Variants in CLSTN2 observed in about 807,000 individuals in gnomAD.
CLSTN2 encodes calsyntenin 2, also known as calsyntenin-2.
Under a neutral mutation model 101.2 loss-of-function variants are expected in CLSTN2, and 48 were observed. The observed-to-expected ratio is 0.47, with a 90% CI of 0.38 to 0.60. The LOEUF (loss-of-function observed/expected upper bound fraction) is 0.60, where lower values mean the gene tolerates loss of function less well. CLSTN2 is among the 20% of genes least tolerant of loss of function. The pLI is 0.00. For missense variants in CLSTN2, 1,160 were observed against 1,238.2 expected (o/e 0.94, Z 0.95); for synonymous variants, 481 against 463.6 (o/e 1.04, Z -0.48).
chr3:140,425,258 C>T (rs1350997083), intron 5 of CLSTN2, among the ~76,000 whole-genome samples: 3 of 152,190 alleles, frequency 2.0e-5, no homozygotes, highest in Admixed American at 6.5e-5. Context: ...CGGAACCCTG[C>T]CCCACAGCTG....
intron 2 of CLSTN2, among the ~76,000 whole-genome samples, chr3:140,315,203 G>A (rs1452677898): frequency 6.6e-6 from 1 of 152,216 alleles, no homozygotes; most frequent in African/African-American, 2.4e-5. Flanking sequence ...TTCGGAAGCT[G>A]TGGAAGTGAT....
chr3:140,093,186 C>T (rs2107786592), intron 1 of CLSTN2, among the ~76,000 whole-genome samples: 1 of 152,260 alleles, frequency 6.6e-6, no homozygotes, highest in East Asian at 1.9e-4. Flanking sequence ...TGCGGTGGGG[C>T]AGGGGTGTCG....
intron 1 of CLSTN2, among the ~76,000 whole-genome samples, chr3:139,965,968 C>T (rs1190841579): frequency 6.6e-6 from 1 of 152,174 alleles, no homozygotes; most frequent in Non-Finnish European, 1.5e-5. Flanking sequence ...CTCTGGTTGC[C>T]CTAGAGTGTG....
chr3:140,300,648 G>T (rs556553672), intron 2 of CLSTN2, among the ~76,000 whole-genome samples: 2 of 152,276 alleles, frequency 1.3e-5, no homozygotes, highest in South Asian at 4.2e-4. Context: ...GTGGGCCCAT[G>T]AAAGGCTGAG....
At chr3:140,495,931 C>T (rs567855770) in intron 8 of CLSTN2, among the ~76,000 whole-genome samples, 59 of 152,132 alleles carry the variant, frequency 3.9e-4, no homozygotes, top group Admixed American at 2.5e-3. Flanking sequence ...TTCTTAGGAT[C>T]GTCTTGGCTA....
intron 2 of CLSTN2, among the ~76,000 whole-genome samples, chr3:140,201,301 G>A (rs2010715220): frequency 6.6e-6 from 1 of 152,154 alleles, no homozygotes; most frequent in South Asian, 2.1e-4. Context: ...ATTAAATAGA[G>A]CAGGAAAGCC....
intron 2 of CLSTN2, among the ~76,000 whole-genome samples, chr3:140,183,134 A>C (rs2010434190): frequency 2.0e-5 from 3 of 152,226 alleles, no homozygotes; most frequent in Non-Finnish European, 4.4e-5. Flanking sequence ...CCCATGCACC[A>C]GTGACCCTTA....
At chr3:140,533,185 T>C (rs537253885) in intron 9 of CLSTN2, among the ~76,000 whole-genome samples, 18 of 152,340 alleles carry the variant, frequency 1.2e-4, no homozygotes, top group African/African-American at 4.1e-4. Context: ...GTGTGATCTT[T>C]CTGTCTCTCA....
In CLSTN2 at chr3:140,539,887, G is replaced by A. The variant is rs532866555; in HGVS notation, c.1508-6628G>A. The stretch of plus-strand genomic sequence containing the variant: ...CTGCTGGACCACCTCAGCCAAGTAA[G>A]GAAGGCCAGAGGATTCCGGATTTAC... On this transcript the variant is annotated intron_variant, in intron 9 of 16. Coordinates refer to ENST00000458420, the MANE Select transcript of CLSTN2 (RefSeq NM_022131.3). 2.0e-4 allele frequency among the ~76,000 whole-genome samples: 30 copies of A among 152,280 alleles called. No individual in the cohort carries two copies. In the South Asian group the frequency reaches 6.0e-3, roughly 30 times the overall value.
chr3:140,467,757 T>G (rs527699581), intron 8 of CLSTN2, among the ~76,000 whole-genome samples: 1 of 152,146 alleles, frequency 6.6e-6, no homozygotes, highest in Non-Finnish European at 1.5e-5. Context: ...TGTTACTATA[T>G]CTCCACCCCC....
intron 2 of CLSTN2, among the ~76,000 whole-genome samples, chr3:140,247,495 A>T (rs186456637): frequency 6.6e-6 from 1 of 152,284 alleles, no homozygotes; most frequent in East Asian, 1.9e-4. Flanking sequence ...AAAATTATCA[A>T]TGTCAAACTG....
At chr3:140,241,858 C>CATATATATACAT (rs2086470781) in intron 2 of CLSTN2, among the ~76,000 whole-genome samples, 2 of 136,032 alleles carry the variant, frequency 1.5e-5, no homozygotes, top group Non-Finnish European at 3.1e-5. Flanking sequence ...TATATATACA[C>CATATATATACAT]ATATATATAC....
rs1018189913 is a variant in CLSTN2 at position 140,486,482 on chromosome 3, T to G, written c.1344+19751T>G. Among the ~76,000 whole-genome samples the G allele has an allele frequency of 2.6e-5, 4 of 152,320 alleles. No homozygotes were observed. In the East Asian group the frequency reaches 5.8e-4, roughly 22 times the overall value. On this transcript the variant is annotated intron_variant, in intron 8 of 16. Coordinates refer to ENST00000458420, the MANE Select transcript of CLSTN2 (RefSeq NM_022131.3). ...AATGAGTTCTACTGATGCAAAGTTC[T>G]TAAACTTTATGTGAAGTGTTACAAT...
At chr3:139,946,776 T>A (rs145685007) in intron 1 of CLSTN2, among the ~76,000 whole-genome samples, 1 of 152,224 alleles carries the variant, frequency 6.6e-6, no homozygotes, top group Admixed American at 6.5e-5. Flanking sequence ...TCTGCTGTAG[T>A]GTGTCACTAG....
chr3:140,486,996 T>C (rs1414468715), intron 8 of CLSTN2, among the ~76,000 whole-genome samples: 3 of 152,202 alleles, frequency 2.0e-5, no homozygotes, highest in African/African-American at 4.8e-5. Context: ...GATTCCAGGA[T>C]GCACACAATA....
At chr3:140,134,577 T>G (rs1328775844) in intron 1 of CLSTN2, among the ~76,000 whole-genome samples, 2 of 152,216 alleles carry the variant, frequency 1.3e-5, no homozygotes, top group East Asian at 3.8e-4. Flanking sequence ...TGAAAAATTT[T>G]GGGTTTTAAT....
intron 8 of CLSTN2, among the ~76,000 whole-genome samples, chr3:140,503,397 C>T (rs759610101): frequency 5.9e-5 from 9 of 152,166 alleles, no homozygotes; most frequent in Non-Finnish European, 1.2e-4. Context: ...GTTACATCTG[C>T]CTACAGTATT....
At chr3:140,414,647 A>G (rs1214383875) in intron 4 of CLSTN2, among the ~76,000 whole-genome samples, 6 of 152,032 alleles carry the variant, frequency 3.9e-5, no homozygotes, top group African/African-American at 1.4e-4. Flanking sequence ...TAGGTGCACT[A>G]ATATCCTAGA....
At chr3:140,324,659 G>T (rs2087314501) in intron 2 of CLSTN2, among the ~76,000 whole-genome samples, 1 of 152,126 alleles carries the variant, frequency 6.6e-6, no homozygotes, top group African/African-American at 2.4e-5. Flanking sequence ...TTAAAGCAAT[G>T]GTGCTTAGCC....
Sources: allele counts gnomAD v4.1 joint callset (sites outside exome capture counted in the v4.1 genomes callset), GRCh38; gene constraint gnomAD v4.1.1; transcripts MANE v1.5; gene names NCBI Gene and HGNC (gene_info 2026-07-23, HGNC 2026-07-21).